The following TRAF6 variants were observed in gnomAD, a reference collection of about 807,000 sequenced individuals.
TRAF6 encodes TNF receptor associated factor 6, also known as TNF receptor-associated factor 6.
A neutral mutation model predicts 48.4 loss-of-function variants in TRAF6; 10 were observed. The observed-to-expected ratio is 0.21, with a 90% CI of 0.13 to 0.35. The LOEUF (loss-of-function observed/expected upper bound fraction) is 0.35, where lower values mean the gene tolerates loss of function less well. TRAF6 is among the 10% of genes least tolerant of loss of function. TRAF6 has a pLI of 1.00. For synonymous variants in TRAF6, 186 were observed against 219.6 expected (o/e 0.85, Z 1.35); for missense variants, 397 against 661.0 (o/e 0.60, Z 4.38).
In TRAF6 at chr11:36,489,763, T is replaced by C; in HGVS notation, c.*75A>G. On this transcript the variant is annotated 3_prime_UTR_variant, in exon 7 of 7. Transcript: ENST00000526995. ...ACATATTTCCCGTGGCTTGTTTGTT[T>C]GCATGTTATTGAGAACAGGGCAAGG... The C allele has an allele frequency of 2.1e-6, 3 of 1,436,240 alleles. No individual in the cohort carries two copies. Among genetic ancestry groups the C allele is most frequent in the Non-Finnish European group, 2.8e-6 (3 of 1,054,542 alleles). The allele number at this position is 1,436,240 out of a possible 1,614,324, so 89.0% of individuals were successfully genotyped here. A position where few individuals can be genotyped will look rare whatever the true frequency, so the allele number is the denominator to read the frequency against.
intron 1 of TRAF6, among the ~76,000 whole-genome samples, chr11:36,505,443 A>G (rs1048757524): frequency 4.6e-5 from 7 of 152,180 alleles, no homozygotes; most frequent in Non-Finnish European, 8.8e-5. Context: ...TTTCTTTTGC[A>G]GCTTCCTCAC....
intron 1 of TRAF6, among the ~76,000 whole-genome samples, chr11:36,503,073 C>A (rs5030439): frequency 0.013 from 2,017 of 152,290 alleles, 42 homozygotes; most frequent in African/African-American, 0.047. Flanking sequence ...TCAGAACCCA[C>A]GTCTACCTGA....
At chr11:36,498,983 T>G (rs1338170619) in intron 2 of TRAF6, among the ~76,000 whole-genome samples, 3 of 152,236 alleles carry the variant, frequency 2.0e-5, no homozygotes, top group African/African-American at 4.8e-5. Context: ...GTCTGGCCTC[T>G]GTGTTGTCAC....
chr11:36,501,349 T>C lies in TRAF6; in HGVS notation c.167A>G (p.Tyr56Cys). ...SSSFMEEIQGYDVEFDPPLES... is the reference protein window; with the variant it reads ...SSSFMEEIQGCDVEFDPPLES... ...CAGGGGTGGGTCAAACTCTACATCA[T>C]ATCCCTGGATCTCCTCCATAAATGA... The change falls in exon 2 of 7, where the codon TAT becomes TGT. Residue 56 changes from tyrosine to cysteine, a missense_variant. Physicochemically the swap from Tyr to Cys is radical, Grantham distance 194 (BLOSUM62 -2). This residue lies in a region of TRAF6 where 73 missense variants were observed against 87.3 expected (regional missense o/e 0.84). Coordinates refer to ENST00000526995, the MANE Select transcript of TRAF6 (RefSeq NM_004620.4). 2 of 1,614,172 alleles carry C rather than the reference T, an allele frequency of 1.2e-6. No homozygotes were observed. Among genetic ancestry groups the C allele is most frequent in the Non-Finnish European group, 1.7e-6 (2 of 1,180,038 alleles).
chr11:36,508,082 A>G (rs1159627012), intron 1 of TRAF6, among the ~76,000 whole-genome samples: 1 of 151,822 alleles, frequency 6.6e-6, no homozygotes, highest in Non-Finnish European at 1.5e-5. Flanking sequence ...GTCTCAAGCT[A>G]TCCTCCCACC....
chr11:36,504,266 G>A (rs1282863396), intron 1 of TRAF6, among the ~76,000 whole-genome samples: 2 of 152,136 alleles, frequency 1.3e-5, no homozygotes, highest in African/African-American at 4.8e-5. Context: ...TACCCCACGA[G>A]AACTTCTTTC....
At chr11:36,491,214 T>A (rs550406277) in intron 6 of TRAF6, among the ~76,000 whole-genome samples, 1 of 152,170 alleles carries the variant, frequency 6.6e-6, no homozygotes, top group Non-Finnish European at 1.5e-5. Flanking sequence ...TATACAAATC[T>A]ATTGCAAATT....
chr11:36,498,979 C>A (rs1859678963), intron 2 of TRAF6, among the ~76,000 whole-genome samples: 1 of 152,114 alleles, frequency 6.6e-6, no homozygotes, highest in Non-Finnish European at 1.5e-5. Context: ...GGCAGTCTGG[C>A]CTCTGTGTTG....
chr11:36,508,798 C>T (rs1206671101), intron 1 of TRAF6, among the ~76,000 whole-genome samples: 1 of 152,190 alleles, frequency 6.6e-6, no homozygotes, highest in Non-Finnish European at 1.5e-5. Context: ...AATCCAAATT[C>T]AAGGGGCATT....
rs5030510 is a variant in TRAF6 at position 36,486,863 on chromosome 11, C to T, written c.*2975G>A. Reference sequence around the variant, plus strand: ...CAGCACTTTGGGAGGCTGAGGCGGGCGGATCATCTGAGGTCAGGAGTTCCA... The same window carrying T: ...CAGCACTTTGGGAGGCTGAGGCGGGTGGATCATCTGAGGTCAGGAGTTCCA... On this transcript the variant is annotated 3_prime_UTR_variant, in exon 7 of 7. Coordinates refer to ENST00000526995, the MANE Select transcript of TRAF6 (RefSeq NM_004620.4). Among the ~76,000 whole-genome samples, 1,599 of 151,568 alleles carry T rather than the reference C, an allele frequency of 0.011. 17 individuals are homozygous for T. The highest frequency in any genetic ancestry group is 0.017 in the Middle Eastern group (5 of 294).
At chr11:36,506,718 G>A (rs550886322) in intron 1 of TRAF6, among the ~76,000 whole-genome samples, 3 of 152,210 alleles carry the variant, frequency 2.0e-5, no homozygotes, top group Non-Finnish European at 2.9e-5. Flanking sequence ...ACTCCACTGT[G>A]GGAATGCAGT....
At chr11:36,501,187 T>C (rs1431345945) in intron 2 of TRAF6, 33 bp downstream of exon 2, 3 of 1,523,324 alleles carry the variant, frequency 2.0e-6, no homozygotes, top group Admixed American at 2.0e-5. Flanking sequence ...CTGGTTCTGT[T>C]ATAGGACACC....
chr11:36,489,916 A>G lies in TRAF6; in HGVS notation c.1491T>C (p.Cys497=), dbSNP rs1279304109. The change falls in exon 7 of 7, where the codon TGT becomes TGC. Residue 497 remains cysteine (C), a synonymous_variant. Coordinates refer to ENST00000526995, the MANE Select transcript of TRAF6 (RefSeq NM_004620.4). The stretch of plus-strand genomic sequence containing the variant: ...CCATGTCAAAGCGGGTGGAGACCTC[A>G]CAGCGCACTAATAATGTGTCATCCT... ...FIKDDTLLVR[C]EVSTRFDMGS... is the part of the protein sequence containing the mutation. 6.2e-7 allele frequency: 1 copy of G among 1,614,176 alleles called. No homozygotes were observed. Among genetic ancestry groups the G allele is most frequent in the Non-Finnish European group, 8.5e-7 (1 of 1,180,020 alleles).
intron 4 of TRAF6, 150 bp downstream of exon 4, chr11:36,496,958 T>A (rs925163100): frequency 2.2e-5 from 19 of 874,648 alleles, no homozygotes; most frequent in Non-Finnish European, 3.2e-5. Flanking sequence ...TATTGAACCT[T>A]CTTTTTCTTA....
rs3217283 is a variant in TRAF6, at chr11:36,492,535, GAA to G, written c.756+14_756+15del. ...TTTTACTTATATTCAAGAATTAAAA[GAA>G]AAAAAAACCTTACCTTTTCATGGCA... On this transcript the variant is annotated intron_variant, in intron 6 of 6. Transcript: ENST00000526995. 5.8e-6 allele frequency: 9 copies of G among 1,557,018 alleles called. No individual in the cohort carries two copies. The South Asian group carries it at 8.3e-5, about 14-fold the overall frequency.
Position 36,489,984 on chromosome 11 carries a change from T to C in TRAF6, c.1423A>G (p.Thr475Ala). 6.2e-7 allele frequency: 1 copy of C among 1,614,160 alleles called. No individual in the cohort carries two copies. Among genetic ancestry groups the C allele is most frequent in the Non-Finnish European group, 8.5e-7 (1 of 1,180,018 alleles). The change falls in exon 7 of 7, where the codon ACT (threonine) becomes GCT (alanine). Residue 475 changes from threonine (T) to alanine (A), a missense_variant. By Grantham distance (58) the Thr-to-Ala change is moderately conservative. Coordinates refer to ENST00000526995, the MANE Select transcript of TRAF6 (RefSeq NM_004620.4). ...CTTAGGGCTTCCAGATGCATAAAAGTTACATAGCCAAAACCTTTTGGGTTC... is the reference window on the plus strand; with the variant it reads ...CTTAGGGCTTCCAGATGCATAAAAGCTACATAGCCAAAACCTTTTGGGTTC... The part of the protein sequence containing the change: ...PRNPKGFGYV[T>A]FMHLEALRQR...
intron 1 of TRAF6, among the ~76,000 whole-genome samples, chr11:36,504,196 A>C (rs1348386620): frequency 6.6e-6 from 1 of 152,158 alleles, no homozygotes; most frequent in African/African-American, 2.4e-5. Flanking sequence ...ATAATACAAC[A>C]ATGAAGTTTG....
chr11:36,507,146 A>C lies in TRAF6; in HGVS notation c.-23+2902T>G, dbSNP rs566532746. On this transcript the variant is annotated intron_variant, in intron 1 of 6. Coordinates refer to ENST00000526995, the MANE Select transcript of TRAF6 (RefSeq NM_004620.4). ...GTATTATACATACATAAATGTATAT[A>C]TGTATATATACATGTATTATACATA... Among the ~76,000 whole-genome samples, 339 of 138,964 alleles carry C rather than the reference A, an allele frequency of 2.4e-3. 4 individuals carry two copies. The highest frequency in any genetic ancestry group is 8.7e-3 in the African/African-American group (326 of 37,532). The allele number at this position is 138,964 out of a possible 152,430, so 91.2% of individuals were successfully genotyped here. A position where few individuals can be genotyped will look rare whatever the true frequency, so the allele number is the denominator to read the frequency against.
At chr11:36,493,062 A>G (rs1859584991) in intron 5 of TRAF6, among the ~76,000 whole-genome samples, 1 of 152,134 alleles carries the variant, frequency 6.6e-6, no homozygotes, top group Admixed American at 6.5e-5. Context: ...CCTCTCAAAA[A>G]TCATCTTTGA....
Sources: allele counts gnomAD v4.1 joint callset (sites outside exome capture counted in the v4.1 genomes callset), GRCh38; gene constraint gnomAD v4.1.1; regional missense constraint gnomAD v4.1.1; transcripts MANE v1.5; gene names NCBI Gene and HGNC (gene_info 2026-07-23, HGNC 2026-07-21).